TMLHE: variants seen among roughly 807,000 people sequenced by gnomAD.
The protein encoded by TMLHE is trimethyllysine hydroxylase, epsilon, also known as trimethyllysine dioxygenase, mitochondrial.
A neutral mutation model predicts 25.7 loss-of-function variants in TMLHE; 18 were observed. The observed-to-expected ratio is 0.70, with a 90% CI of 0.48 to 1.04. TMLHE has a LOEUF of 1.04. Ranked by LOEUF, TMLHE falls within the 50% of genes least tolerant of loss-of-function variation. TMLHE has a pLI of 0.00. For synonymous variants in TMLHE, 105 were observed against 97.0 expected, an observed-to-expected ratio of 1.08 and a Z score of -0.49; for missense variants, 236 against 259.0, an observed-to-expected ratio of 0.91 and a Z score of 0.61.
At chrX:155,559,522 G>A (rs5940512) in intron 1 of TMLHE, among the ~76,000 whole-genome samples, 60,488 of 110,279 alleles carry the variant, frequency 0.55, 14,319 homozygotes, top group Middle Eastern at 0.77. Context: ...TAAAGCCATC[G>A]TAATGTAAAT....
chrX:155,593,858 T>C (rs1435988778), intron 1 of TMLHE, among the ~76,000 whole-genome samples: 1 of 107,027 alleles, frequency 9.3e-6, no homozygotes, highest in South Asian at 4.0e-4. Flanking sequence ...AAACAATCAG[T>C]GAGCTCAAAG....
At chrX:155,602,228 C>T (rs1180458409) in intron 1 of TMLHE, among the ~76,000 whole-genome samples, 2 of 111,202 alleles carry the variant, frequency 1.8e-5, no homozygotes, top group East Asian at 2.8e-4. Flanking sequence ...AGGTAAGGTT[C>T]GTTTAACACC....
intron 2 of TMLHE, among the ~76,000 whole-genome samples, chrX:155,538,713 C>A (rs1220672317): frequency 8.9e-6 from 1 of 111,743 alleles, no homozygotes; most frequent in Non-Finnish European, 1.9e-5. Flanking sequence ...CTGTTACAAT[C>A]GTTGAAATAT....
At chrX:155,573,883 A>G (rs1280376128) in intron 1 of TMLHE, among the ~76,000 whole-genome samples, 1 of 93,837 alleles carries the variant, frequency 1.1e-5, no homozygotes, top group Admixed American at 1.2e-4. Flanking sequence ...AACTAATGCT[A>G]AATGACGAGT....
intron 1 of TMLHE, among the ~76,000 whole-genome samples, chrX:155,605,939 A>T (rs1448274308): frequency 1.8e-5 from 2 of 111,917 alleles, no homozygotes; most frequent in East Asian, 5.6e-4. Context: ...AACAAAAAAA[A>T]GCAGGGATTA....
rs2067794171 is a variant in TMLHE, at chrX:155,607,600, G to T, written c.-2+5192C>A. 2.7e-5 allele frequency among the ~76,000 whole-genome samples: 3 copies of T among 111,244 alleles called. No individual in the cohort carries two copies. In the Admixed American group the frequency reaches 2.9e-4, roughly 11 times the overall value. On this transcript the variant is annotated intron_variant, in intron 1 of 7. Coordinates refer to ENST00000334398, the MANE Select transcript of TMLHE (RefSeq NM_018196.4). Reference sequence around the variant, plus strand: ...AAAGAAAAAAAAGGCATCCAAATAGGAAGAAAGGAAGTCAAACTATCTATG... The same window carrying T: ...AAAGAAAAAAAAGGCATCCAAATAGTAAGAAAGGAAGTCAAACTATCTATG...
chrX:155,558,541 G>C (rs1458290096), intron 1 of TMLHE, among the ~76,000 whole-genome samples: 3 of 111,670 alleles, frequency 2.7e-5, no homozygotes, highest in African/African-American at 9.7e-5. Context: ...CTCCATAAAT[G>C]TTTGTGAAAA....
rs1308683679 is a variant in TMLHE at position 155,559,011 on chromosome X, G to C, written c.-1-13734C>G. ...AAATTTGTTTTAGAAGCTAACTTAA[G>C]AGACATTTAGCTCACTGATTAGAAG... On this transcript the variant is annotated intron_variant, in intron 1 of 7. Coordinates refer to ENST00000334398, the MANE Select transcript of TMLHE (RefSeq NM_018196.4). 2.7e-5 allele frequency among the ~76,000 whole-genome samples: 3 copies of C among 111,499 alleles called. No homozygotes were observed. The East Asian group carries it at 8.4e-4, about 31-fold the overall frequency.
At chrX:155,585,029 C>T (rs187618932) in intron 1 of TMLHE, among the ~76,000 whole-genome samples, 1 of 111,325 alleles carries the variant, frequency 9.0e-6, no homozygotes, top group Non-Finnish European at 1.9e-5. Flanking sequence ...ACCAAAATAA[C>T]AAACAATAAG....
intron 1 of TMLHE, among the ~76,000 whole-genome samples, chrX:155,578,074 G>A (rs1265663199): frequency 4.5e-5 from 5 of 111,469 alleles, no homozygotes; most frequent in Non-Finnish European, 9.4e-5. Context: ...GAGGGAGATG[G>A]GGGAGGCCTG....
intron 2 of TMLHE, among the ~76,000 whole-genome samples, chrX:155,541,353 T>C (rs1304862602): frequency 4.5e-5 from 5 of 111,596 alleles, no homozygotes; most frequent in African/African-American, 1.3e-4. Context: ...GTGTCATCCA[T>C]GTCCCTGCAA....
rs1557336208 is a variant in TMLHE at position 155,524,523 on chromosome X, A to G, written c.291T>C (p.Thr97=). The change falls in exon 3 of 8, where the codon ACT becomes ACC. Residue 97 remains threonine (T), a synonymous_variant. Transcript: ENST00000334398. ...GCTTGATACATAAATCCACACTGGC[A>G]GTATCCAGGCTGCGCTGGTGAGTCT... is the stretch of plus-strand genomic sequence containing the variant. ...NSKTHQRSLD[T]ASVDLCIKPK... is the part of the protein sequence containing the mutation. 1 of 1,208,008 alleles carries G rather than the reference A, an allele frequency of 8.3e-7. No homozygotes were observed. Among genetic ancestry groups the G allele is most frequent in the East Asian group, 3.0e-5 (1 of 33,709 alleles).
At chrX:155,529,788 A>T (rs1557336880) in intron 2 of TMLHE, among the ~76,000 whole-genome samples, 2 of 111,739 alleles carry the variant, frequency 1.8e-5, no homozygotes, top group African/African-American at 6.5e-5. Context: ...ATTTTTCCTA[A>T]TCTCTAGGAT....
intron 1 of TMLHE, among the ~76,000 whole-genome samples, chrX:155,548,006 C>G (rs1263508682): frequency 9.0e-6 from 1 of 111,614 alleles, no homozygotes; most frequent in Non-Finnish European, 1.9e-5. Flanking sequence ...TTACCAGTTT[C>G]AATTTTTAGA....
intron 1 of TMLHE, among the ~76,000 whole-genome samples, chrX:155,598,550 T>C (rs782051965): frequency 1.3e-4 from 7 of 53,513 alleles, no homozygotes; most frequent in African/African-American, 4.8e-4. Flanking sequence ...CGGGGTCTGT[T>C]GTGGGGTGGG....
chrX:155,512,267 C>A (rs371476947), intron 4 of TMLHE, among the ~76,000 whole-genome samples: 1 of 107,304 alleles, frequency 9.3e-6, no homozygotes, highest in African/African-American at 3.5e-5. Context: ...GCTGCACCCA[C>A]TAACTCATCA....
At chrX:155,592,484 C>A in intron 1 of TMLHE, among the ~76,000 whole-genome samples, 1 of 111,587 alleles carries the variant, frequency 9.0e-6, no homozygotes, top group South Asian at 3.8e-4. Flanking sequence ...AGGAATGATC[C>A]CACTTTGACT....
intron 1 of TMLHE, among the ~76,000 whole-genome samples, chrX:155,553,568 A>C (rs1346897705): frequency 9.1e-6 from 1 of 109,985 alleles, no homozygotes; most frequent in African/African-American, 3.3e-5. Context: ...CATTTTATAT[A>C]TCTCTTATAA....
chrX:155,525,045 C>G (rs182859409), intron 2 of TMLHE, among the ~76,000 whole-genome samples: 1 of 111,603 alleles, frequency 9.0e-6, no homozygotes, highest in East Asian at 2.8e-4. Context: ...TATAGGAGTA[C>G]TAAATTTAGA....
Sources: gnomAD v4.1 joint callset for allele counts (sites outside exome capture counted in the v4.1 genomes callset) on GRCh38, gnomAD v4.1.1 for gene constraint, MANE v1.5 for transcripts, NCBI Gene and HGNC (gene_info 2026-07-23, HGNC 2026-07-21) for gene names.